Variants in BIRC6 observed in about 807,000 individuals in gnomAD.
BIRC6 encodes the protein baculoviral IAP repeat containing 6.
A neutral mutation model predicts 503.3 loss-of-function variants in BIRC6; 98 were observed. That is an observed-to-expected ratio of 0.19 (90% CI 0.17 to 0.23). BIRC6 has a LOEUF of 0.23. Ranked by LOEUF, BIRC6 falls within the 10% of genes least tolerant of loss-of-function variation. BIRC6 has a pLI of 1.00. For synonymous variants in BIRC6, 2,240 were observed against 2,078.7 expected (o/e 1.08, Z -2.11); for missense variants, 5,360 against 5,806.0 (o/e 0.92, Z 2.50).
At chr2:32,433,357 A>T (rs1421858838) in intron 12 of BIRC6, among the ~76,000 whole-genome samples, 1 of 152,238 alleles carries the variant, frequency 6.6e-6, no homozygotes, top group Non-Finnish European at 1.5e-5. Flanking sequence ...GGTGGGTACC[A>T]GGAATTTGCA....
intron 36 of BIRC6, 118 bp from the exon 37 acceptor site, chr2:32,479,344 T>G: frequency 1.0e-6 from 1 of 985,948 alleles, no homozygotes. Flanking sequence ...CTCAGATTCT[T>G]TTATAGTTAG....
Position 32,500,005 on chromosome 2 carries a change from C to T in BIRC6, c.8927C>T (p.Ser2976Leu), listed in dbSNP as rs1036787776. Residue 2976 changes from serine (S) to leucine (L), a missense_variant, in exon 46 of 74, where the codon TCG becomes TTG. Ser to Leu is a moderately radical substitution (Grantham distance 145). Around this residue, in one of 16 missense-constraint regions of BIRC6, gnomAD observed 2,299 missense variants for 2,267.2 expected, o/e 1.01. Transcript: ENST00000421745. ...GGAAGCAGTACCAGTGTTCAAGGAT[C>T]GCCTGCATATGTTGCTGACTTAGTC... Reference protein sequence around the residue: ...GNGSSTSVQGSPAYVADLVLA... With the variant: ...GNGSSTSVQGLPAYVADLVLA... 5.0e-6 allele frequency: 8 copies of T among 1,613,786 alleles called. No homozygotes were observed. The highest frequency in any genetic ancestry group is 4.0e-5 in the African/African-American group (3 of 74,900).
At chr2:32,594,575 G>A (rs1364772931) in intron 67 of BIRC6, among the ~76,000 whole-genome samples, 1 of 152,082 alleles carries the variant, frequency 6.6e-6, no homozygotes, top group Non-Finnish European at 1.5e-5. Context: ...GTGTGCCTGT[G>A]GTCCCGGCTA....
chr2:32,617,937 G>C lies in BIRC6; in HGVS notation c.*33G>C. 1 of 1,578,070 alleles carries C rather than the reference G, an allele frequency of 6.3e-7. No homozygotes were observed. The highest frequency in any genetic ancestry group is 8.6e-7 in the Non-Finnish European group (1 of 1,158,048). On this transcript the variant is annotated 3_prime_UTR_variant, in exon 74 of 74. Transcript: ENST00000421745. Reference sequence around the variant, plus strand: ...TGATGTGGACTTCATAGACACAAAGGCTTCGAAGCACAAGCCAAATATGTC... The same window carrying C: ...TGATGTGGACTTCATAGACACAAAGCCTTCGAAGCACAAGCCAAATATGTC...
intron 49 of BIRC6, among the ~76,000 whole-genome samples, chr2:32,504,362 T>C (rs2053563150): frequency 6.6e-6 from 1 of 152,046 alleles, no homozygotes; most frequent in African/African-American, 2.4e-5. Flanking sequence ...ATATTGGACA[T>C]TGTTTTTTAC....
chr2:32,454,905 C>T (rs1010386212), intron 23 of BIRC6, among the ~76,000 whole-genome samples: 1 of 151,920 alleles, frequency 6.6e-6, no homozygotes, highest in Non-Finnish European at 1.5e-5. Context: ...CTAATATTTC[C>T]TTTATATGGT....
intron 50 of BIRC6, among the ~76,000 whole-genome samples, chr2:32,507,131 G>A (rs932095441): frequency 6.6e-6 from 1 of 152,034 alleles, no homozygotes; most frequent in Non-Finnish European, 1.5e-5. Flanking sequence ...TGGATATTTG[G>A]TTTAATTTGA....
At chr2:32,469,332 C>A (rs186258937) in intron 29 of BIRC6, 63 bp from the exon 30 acceptor site, 1 of 1,196,914 alleles carries the variant, frequency 8.4e-7, no homozygotes, top group South Asian at 1.5e-5. Flanking sequence ...TTTAGGCATG[C>A]GTATTTTAAT....
At chr2:32,535,758 A>G (rs931468472) in intron 61 of BIRC6, among the ~76,000 whole-genome samples, 12 of 152,228 alleles carry the variant, frequency 7.9e-5, no homozygotes, top group African/African-American at 2.7e-4. Flanking sequence ...TAGTGCTGCA[A>G]TAAACATACG....
At position 32,515,327 on chromosome 2, in the gene BIRC6, G is replaced by C. The variant is rs1391724450; in HGVS notation, c.10906G>C (p.Val3636Leu). Residue 3636 changes from valine to leucine, a missense_variant, in exon 55 of 74, where the codon GTG (valine) becomes CTG (leucine). By Grantham distance (32) the Val-to-Leu change is conservative. Around this residue, in one of 16 missense-constraint regions of BIRC6, gnomAD observed 878 missense variants for 928.9 expected, o/e 0.95. Transcript: ENST00000421745. ...AGACTCAGGTTTGCCTTCTCTTCTTGTGAGGAGTCTGGCTAGTTTCTGCTT... is the reference window on the plus strand; with the variant it reads ...AGACTCAGGTTTGCCTTCTCTTCTTCTGAGGAGTCTGGCTAGTTTCTGCTT... ...LLDSGLPSLL[V>L]RSLASFCFSH... 6.2e-7 allele frequency: 1 copy of C among 1,613,790 alleles called. No individual in the cohort carries two copies. Among genetic ancestry groups the C allele is most frequent in the South Asian group, 1.1e-5 (1 of 91,086 alleles).
chr2:32,493,523 T>TG lies in BIRC6; in HGVS notation c.8341-17_8341-16insG. On this transcript the variant is annotated splice_polypyrimidine_tract_variant and intron_variant, in intron 44 of 73. Transcript: ENST00000421745. ...TTACCAGTAAGCAGTTTTCAGTGAA[T>TG]ATACATTTCTCTTTAGGTTGGTCCT... 1 of 1,585,888 alleles carries TG rather than the reference T, an allele frequency of 6.3e-7. No individual in the cohort carries two copies. Among genetic ancestry groups the TG allele is most frequent in the African/African-American group, 1.3e-5 (1 of 74,518 alleles).
At chr2:32,472,729 G>A (rs537702606) in intron 32 of BIRC6, among the ~76,000 whole-genome samples, 2 of 152,276 alleles carry the variant, frequency 1.3e-5, no homozygotes, top group Non-Finnish European at 2.9e-5. Flanking sequence ...AAATTATTGA[G>A]TATCCTTTTT....
In BIRC6 at chr2:32,593,810, T is replaced by C. The variant is rs2061523428; in HGVS notation, c.13356-105T>C. The C allele has an allele frequency of 3.0e-6, 3 of 1,004,816 alleles. No individual in the cohort carries two copies. In the East Asian group the frequency reaches 7.8e-5, roughly 26 times the overall value. 62.2% of individuals were successfully genotyped at this position (1,004,816 alleles called of 1,614,324 possible). ...AGCAAGTTAATATAGATCATGTGTG[T>C]GACAAATGAAATGCACACACTCATT... On this transcript the variant is annotated intron_variant, in intron 66 of 73. Coordinates refer to ENST00000421745, the MANE Select transcript of BIRC6 (RefSeq NM_016252.4).
intron 50 of BIRC6, among the ~76,000 whole-genome samples, chr2:32,507,302 TA>T (rs2053908057): frequency 1.3e-5 from 2 of 152,156 alleles, no homozygotes; most frequent in Admixed American, 1.3e-4. Flanking sequence ...TAGTGGCACC[TA>T]CCTGTAGTTC....
chr2:32,535,313 A>G (rs1235829930), intron 61 of BIRC6, among the ~76,000 whole-genome samples: 2 of 151,900 alleles, frequency 1.3e-5, no homozygotes, highest in Non-Finnish European at 2.9e-5. Context: ...ATTTTATTTT[A>G]TTTTTTAAAT....
chr2:32,543,401 C>T lies in BIRC6; in HGVS notation c.12452C>T (p.Ser4151Phe). ...PPIKSAVQTM[S>F]PIPAHSLAAF... ...ATCAAGTCAGCAGTACAGACCATGT[C>T]TCCCATACCTGCCCATTCTTTGGCT... Residue 4151 changes from serine (S) to phenylalanine (F), a missense_variant, in exon 62 of 74, where the codon TCT (serine) becomes TTT (phenylalanine). Physicochemically the swap from Ser to Phe is radical, Grantham distance 155. Around this residue, in one of 16 missense-constraint regions of BIRC6, gnomAD observed 477 missense variants for 574.4 expected, o/e 0.83. Coordinates refer to ENST00000421745, the MANE Select transcript of BIRC6 (RefSeq NM_016252.4). 6.2e-7 allele frequency: 1 copy of T among 1,614,038 alleles called. No homozygotes were observed.
chr2:32,514,055 C>T (rs916041331), intron 54 of BIRC6, among the ~76,000 whole-genome samples: 1 of 152,086 alleles, frequency 6.6e-6, no homozygotes, highest in African/African-American at 2.4e-5. Context: ...CAGAGCGAGA[C>T]TCTGTCTCAA....
chr2:32,502,763 TAA>T (rs775710700), intron 47 of BIRC6, 30 bp from the exon 48 acceptor site: 2 of 1,510,744 alleles, frequency 1.3e-6, no homozygotes, highest in African/African-American at 1.4e-5. Flanking sequence ...CAGGAATATA[TAA>T]AGTCATAATA....
rs116712071 is a variant in BIRC6 at position 32,429,804 on chromosome 2, C to G, written c.3022+509C>G. On this transcript the variant is annotated intron_variant, in intron 11 of 73. Transcript: ENST00000421745. ...AAAAAATCATTATTTGCCTTGTAGACTTTTATGAAATCATAGTAGCCTGCT... is the reference window on the plus strand; with the variant it reads ...AAAAAATCATTATTTGCCTTGTAGAGTTTTATGAAATCATAGTAGCCTGCT... Among the ~76,000 whole-genome samples the G allele has an allele frequency of 7.4e-3, 1,127 of 152,248 alleles. 7 individuals are homozygous for G. Among genetic ancestry groups the G allele is most frequent in the Middle Eastern group, 0.014 (4 of 294 alleles).
Sources: gnomAD v4.1 joint callset for allele counts (sites outside exome capture counted in the v4.1 genomes callset) on GRCh38, gnomAD v4.1.1 for gene constraint, gnomAD v4.1.1 regional missense constraint, MANE v1.5 for transcripts, NCBI Gene and HGNC (gene_info 2026-07-23, HGNC 2026-07-21) for gene names.